The following GPR158 variants were observed in gnomAD, a reference collection of about 807,000 sequenced individuals.
GPR158 encodes the protein metabotropic glycine receptor.
GPR158 carries 30 observed loss-of-function variants against 78.2 expected under a neutral mutation model. The ratio of observed to expected loss-of-function variants is 0.38; its 90% CI spans 0.29 to 0.52. The LOEUF is 0.52. Ranked by LOEUF, GPR158 falls within the 20% of genes least tolerant of loss-of-function variation. The pLI, the probability that GPR158 is intolerant of heterozygous loss-of-function variation, is 0.83. For synonymous variants in GPR158, 581 were observed against 591.1 expected, an observed-to-expected ratio of 0.98 and a Z score of 0.25; for missense variants, 1,463 against 1,523.5, an observed-to-expected ratio of 0.96 and a Z score of 0.66.
intron 2 of GPR158, among the ~76,000 whole-genome samples, chr10:25,228,978 T>C (rs1027144881): frequency 1.3e-5 from 2 of 148,532 alleles, no homozygotes; most frequent in Non-Finnish European, 3.0e-5. Flanking sequence ...GGGTTTACAG[T>C]GAGCTGAGAT....
chr10:25,566,061 G>A (rs1836925128), intron 6 of GPR158, among the ~76,000 whole-genome samples: 3 of 152,114 alleles, frequency 2.0e-5, no homozygotes, highest in Admixed American at 2.0e-4. Flanking sequence ...TTGCAACTTA[G>A]GTTTTATCTA....
Position 25,371,320 on chromosome 10 carries a change from C to T in GPR158, c.1009-24591C>T, listed in dbSNP as rs549479816. Among the ~76,000 whole-genome samples, 107 of 151,930 alleles carry T rather than the reference C, an allele frequency of 7.0e-4. 1 individual carries two copies. Among genetic ancestry groups the T allele is most frequent in the Non-Finnish European group, 1.4e-3 (95 of 67,936 alleles). ...AGTGGCTGGTACCAGTTGTTCCTTTCCATGTTTAGCGCTTCCTTCAGGAGG... is the reference window on the plus strand; with the variant it reads ...AGTGGCTGGTACCAGTTGTTCCTTTTCATGTTTAGCGCTTCCTTCAGGAGG... On this transcript the variant is annotated intron_variant, in intron 2 of 10. Coordinates refer to ENST00000376351, the MANE Select transcript of GPR158 (RefSeq NM_020752.3).
At chr10:25,208,931 C>T (rs1466774794) in intron 1 of GPR158, among the ~76,000 whole-genome samples, 1 of 151,352 alleles carries the variant, frequency 6.6e-6, no homozygotes, top group African/African-American at 2.4e-5. Context: ...TCACTGCAAC[C>T]TCCACCTCCT....
chr10:25,274,658 G>A (rs1310927984), intron 2 of GPR158, among the ~76,000 whole-genome samples: 2 of 152,160 alleles, frequency 1.3e-5, no homozygotes, highest in African/African-American at 4.8e-5. Context: ...CACTAGTGCA[G>A]ATGGTTTAAA....
chr10:25,186,641 T>C (rs1852691059), intron 1 of GPR158, among the ~76,000 whole-genome samples: 1 of 152,188 alleles, frequency 6.6e-6, no homozygotes, highest in Non-Finnish European at 1.5e-5. Flanking sequence ...GATAAATTCC[T>C]GCACACATAC....
chr10:25,559,476 G>T (rs1242602080), intron 6 of GPR158, among the ~76,000 whole-genome samples: 1 of 151,876 alleles, frequency 6.6e-6, no homozygotes, highest in Non-Finnish European at 1.5e-5. Flanking sequence ...GAAATCTAAA[G>T]AAAAAAATAT....
At chr10:25,269,966 A>G (rs1854095378) in intron 2 of GPR158, among the ~76,000 whole-genome samples, 1 of 152,172 alleles carries the variant, frequency 6.6e-6, no homozygotes, top group African/African-American at 2.4e-5. Context: ...CTATAATCTT[A>G]AAGCCTGGAC....
chr10:25,451,123 C>T (rs1217357796), intron 4 of GPR158, among the ~76,000 whole-genome samples: 3 of 152,088 alleles, frequency 2.0e-5, no homozygotes, highest in South Asian at 4.1e-4. Context: ...CATTCTTGTG[C>T]ATATATTTTT....
chr10:25,216,483 A>G (rs2765708), intron 1 of GPR158, among the ~76,000 whole-genome samples: 30,624 of 151,200 alleles, frequency 0.2, 4,754 homozygotes, highest in African/African-American at 0.43. Context: ...GGGTGGGGGG[A>G]ATGTCAGTTT....
intron 4 of GPR158, among the ~76,000 whole-genome samples, chr10:25,459,368 A>G (rs1247388393): frequency 6.6e-6 from 1 of 152,180 alleles, no homozygotes; most frequent in East Asian, 1.9e-4. Flanking sequence ...CTTTCAAAAT[A>G]TAGTTCTATT....
At chr10:25,233,439 G>C (rs1439191710) in intron 2 of GPR158, among the ~76,000 whole-genome samples, 5 of 151,824 alleles carry the variant, frequency 3.3e-5, no homozygotes, top group African/African-American at 1.2e-4. Context: ...AGATTCTATT[G>C]AGTTGATTCT....
intron 5 of GPR158, among the ~76,000 whole-genome samples, chr10:25,473,046 A>C (rs1268578244): frequency 6.6e-6 from 1 of 152,062 alleles, no homozygotes; most frequent in African/African-American, 2.4e-5. Context: ...TTTCAAAGGG[A>C]ATGCTTCCAG....
chr10:25,512,995 T>TTTTTG (rs1836105151), intron 5 of GPR158, among the ~76,000 whole-genome samples: 1 of 152,160 alleles, frequency 6.6e-6, no homozygotes, highest in African/African-American at 2.4e-5. Context: ...TAGTTTTCTT[T>TTTTTG]TTTTGTTATG....
rs1588930170 is a variant in GPR158, at chr10:25,598,092, C to T, written c.2466C>T (p.Asp822=). The T allele has an allele frequency of 6.2e-7, 1 of 1,613,994 alleles. No individual in the cohort carries two copies. The highest frequency in any genetic ancestry group is 8.5e-7 in the Non-Finnish European group (1 of 1,179,982). Residue 822 remains aspartate, a synonymous_variant, in exon 11 of 11, where the codon GAC becomes GAT. Coordinates refer to ENST00000376351, the MANE Select transcript of GPR158 (RefSeq NM_020752.3). The part of the protein sequence containing the change: ...FSLKKSHSTY[D]HVRDQTEESS... Reference sequence around the variant, plus strand: ...TCAAGAAATCCCACAGCACTTATGACCACGTGAGAGACCAAACGGAAGAGT... The same window carrying T: ...TCAAGAAATCCCACAGCACTTATGATCACGTGAGAGACCAAACGGAAGAGT...
chr10:25,563,982 G>A (rs1229335634), intron 6 of GPR158, among the ~76,000 whole-genome samples: 1 of 150,984 alleles, frequency 6.6e-6, no homozygotes, highest in Non-Finnish European at 1.5e-5. Flanking sequence ...TGAACATTTT[G>A]AATATTATAT....
intron 10 of GPR158, among the ~76,000 whole-genome samples, chr10:25,597,267 A>G (rs141086877): frequency 4.6e-4 from 70 of 152,338 alleles, no homozygotes; most frequent in African/African-American, 1.6e-3. Context: ...CTAATCTAAC[A>G]TCACATGTAA....
intron 7 of GPR158, among the ~76,000 whole-genome samples, chr10:25,577,236 A>AAAAT (rs1837114284): frequency 6.6e-6 from 1 of 152,170 alleles, no homozygotes; most frequent in African/African-American, 2.4e-5. Context: ...CTGTTAATCA[A>AAAAT]AAATAAATCC....
chr10:25,559,772 A>T (rs1209821705), intron 6 of GPR158, among the ~76,000 whole-genome samples: 2 of 152,192 alleles, frequency 1.3e-5, no homozygotes, highest in Non-Finnish European at 2.9e-5. Flanking sequence ...GATGGTTTTA[A>T]TTTCTTTACA....
At chr10:25,471,083 T>C (rs191258154) in intron 5 of GPR158, among the ~76,000 whole-genome samples, 24 of 152,172 alleles carry the variant, frequency 1.6e-4, no homozygotes, top group African/African-American at 5.5e-4. Flanking sequence ...ATATTAGGTA[T>C]ATCTCCTAAT....
Sources: allele counts gnomAD v4.1 joint callset (sites outside exome capture counted in the v4.1 genomes callset), GRCh38; gene constraint gnomAD v4.1.1; transcripts MANE v1.5; gene names NCBI Gene and HGNC (gene_info 2026-07-23, HGNC 2026-07-21).